The following CRTAC1 variants were observed in gnomAD, a reference collection of about 807,000 sequenced individuals.
CRTAC1 encodes the protein acidic secreted protein in cartilage.
In CRTAC1, 37 loss-of-function variants were observed where a neutral mutation model predicts 67.8. That is an observed-to-expected ratio of 0.55 (90% CI 0.42 to 0.72). The LOEUF is 0.72. Ranked by LOEUF, CRTAC1 falls within the 30% of genes least tolerant of loss-of-function variation. The pLI, the probability that CRTAC1 is intolerant of heterozygous loss-of-function variation, is 0.00. For missense variants in CRTAC1, 780 were observed against 931.6 expected, an observed-to-expected ratio of 0.84 and a Z score of 2.12; for synonymous variants, 348 against 371.0, an observed-to-expected ratio of 0.94 and a Z score of 0.71.
At chr10:98,028,878 C>T (rs1843296678) in intron 1 of CRTAC1, among the ~76,000 whole-genome samples, 2 of 152,106 alleles carry the variant, frequency 1.3e-5, no homozygotes, top group Non-Finnish European at 2.9e-5. Flanking sequence ...GTGGAGGATT[C>T]AGGCTCAAAT....
chr10:98,019,491 C>T (rs870605), intron 1 of CRTAC1, among the ~76,000 whole-genome samples: 30,877 of 152,164 alleles, frequency 0.2, 3,287 homozygotes, highest in Non-Finnish European at 0.22. Context: ...GCTGAACATC[C>T]ACAATGCACA....
intron 2 of CRTAC1, among the ~76,000 whole-genome samples, chr10:97,940,374 GAAATTCTGGAGGCTTCAAAGCT>G (rs1226138096): frequency 6.6e-6 from 1 of 152,240 alleles, no homozygotes; most frequent in African/African-American, 2.4e-5. Flanking sequence ...AGCACTTCTA[GAAATTCTGGAGGCTTCAAAGCT>G]AAATTCTGGA....
chr10:97,880,392 T>A lies in CRTAC1; in HGVS notation c.1676A>T (p.Asp559Val). Reference sequence around the variant, plus strand: ...TGGGAACTGGATGCATTCATTGGTGTCTGCAAGGCGAGGGGAACCACTCAC... The same window carrying A: ...TGGGAACTGGATGCATTCATTGGTGACTGCAAGGCGAGGGGAACCACTCAC... ...FSQQENGHCMDTNECIQFPFV... is the reference protein window; with the variant it reads ...FSQQENGHCMVTNECIQFPFV... The change falls in exon 14 of 15, where the codon GAC (aspartate) becomes GTC (valine). Residue 559 changes from aspartate to valine, a missense_variant and splice_region_variant. Asp to Val is a radical substitution (Grantham distance 152). Transcript: ENST00000370597. 1 of 1,612,884 alleles carries A rather than the reference T, an allele frequency of 6.2e-7. No homozygotes were observed. Among genetic ancestry groups the A allele is most frequent in the East Asian group, 2.2e-5 (1 of 44,862 alleles).
chr10:97,934,876 C>T (rs1326553426), intron 3 of CRTAC1, among the ~76,000 whole-genome samples: 4 of 150,736 alleles, frequency 2.7e-5, no homozygotes, highest in South Asian at 2.1e-4. Context: ...CTGGGACTTC[C>T]GCAGAGATGT....
chr10:97,944,818 T>C lies in CRTAC1; in HGVS notation c.225-8452A>G, dbSNP rs550406596. Among the ~76,000 whole-genome samples the C allele has an allele frequency of 3.9e-5, 6 of 152,244 alleles. No homozygotes were observed. In the East Asian group the frequency reaches 1.2e-3, roughly 29 times the overall value. ...AAATTTGGCTACCTTAAGACCACCATGCTCTGAAATCAAAGCTAGCCCTAT... is the reference window on the plus strand; with the variant it reads ...AAATTTGGCTACCTTAAGACCACCACGCTCTGAAATCAAAGCTAGCCCTAT... On this transcript the variant is annotated intron_variant, in intron 2 of 14. Transcript: ENST00000370597.
chr10:97,969,893 T>A (rs1224672714), intron 2 of CRTAC1, among the ~76,000 whole-genome samples: 1 of 152,196 alleles, frequency 6.6e-6, no homozygotes. Context: ...AAATACCATC[T>A]ACCCGCTGAC....
chr10:97,893,720 T>A (rs2050411282), intron 11 of CRTAC1, among the ~76,000 whole-genome samples: 1 of 152,224 alleles, frequency 6.6e-6, no homozygotes, highest in Admixed American at 6.5e-5. Context: ...CCTCTCGGGC[T>A]GCCCTTGATG....
At chr10:97,994,315 A>G (rs1842515410) in intron 2 of CRTAC1, among the ~76,000 whole-genome samples, 1 of 152,212 alleles carries the variant, frequency 6.6e-6, no homozygotes, top group East Asian at 1.9e-4. Context: ...ATCTTCCCAA[A>G]GCCTCTCCTT....
chr10:97,924,365 G>C (rs1202419615), intron 3 of CRTAC1, among the ~76,000 whole-genome samples: 1 of 152,216 alleles, frequency 6.6e-6, no homozygotes, highest in Non-Finnish European at 1.5e-5. Context: ...AGGGAGAGGA[G>C]CAGCTGAAGG....
chr10:98,025,981 C>T (rs540555363), intron 1 of CRTAC1, among the ~76,000 whole-genome samples: 7 of 152,306 alleles, frequency 4.6e-5, no homozygotes, highest in Admixed American at 2.0e-4. Flanking sequence ...AGGCCTTGCC[C>T]ATCAGCCCAG....
rs1590176243 is a variant in CRTAC1, at chr10:97,880,241, C to G, written c.1819+8G>C. ...TTGCTACTGGCCTATGGCTGGGGCC[C>G]CACTCACCCACGCAGGCTGTGCCAT... On this transcript the variant is annotated splice_region_variant and intron_variant, in intron 14 of 14. Transcript: ENST00000370597. 6.2e-7 allele frequency: 1 copy of G among 1,613,810 alleles called. No homozygotes were observed.
In CRTAC1 at chr10:97,865,369, C is replaced by T. The variant is rs1167699943; in HGVS notation, c.*179G>A. 7.1e-6 allele frequency: 5 copies of T among 705,526 alleles called. No individual in the cohort carries two copies. Among genetic ancestry groups the T allele is most frequent in the Admixed American group, 6.2e-5 (2 of 32,058 alleles). 43.7% of individuals were successfully genotyped at this position (705,526 alleles called of 1,614,324 possible). A position where few individuals can be genotyped will look rare whatever the true frequency, so the allele number is the denominator to read the frequency against. Reference sequence around the variant, plus strand: ...TGTCTGCTGTGATCACAGCTATGTGCCCAGCACAGGGCCTGGCCTTACGAG... The same window carrying T: ...TGTCTGCTGTGATCACAGCTATGTGTCCAGCACAGGGCCTGGCCTTACGAG... On this transcript the variant is annotated 3_prime_UTR_variant, in exon 15 of 15. Coordinates refer to ENST00000370597, the MANE Select transcript of CRTAC1 (RefSeq NM_018058.7).
At chr10:97,943,409 G>A (rs565096081) in intron 2 of CRTAC1, among the ~76,000 whole-genome samples, 3 of 152,312 alleles carry the variant, frequency 2.0e-5, no homozygotes, top group East Asian at 1.9e-4. Flanking sequence ...AGAAAGTCTC[G>A]AAGTCATGGA....
At chr10:97,953,403 G>A (rs1423705969) in intron 2 of CRTAC1, among the ~76,000 whole-genome samples, 3 of 152,094 alleles carry the variant, frequency 2.0e-5, no homozygotes. Flanking sequence ...ATGCATCAAG[G>A]TGTGATAGCA....
At chr10:98,009,305 T>A (rs559943894) in intron 2 of CRTAC1, among the ~76,000 whole-genome samples, 110 of 152,330 alleles carry the variant, frequency 7.2e-4, no homozygotes, top group African/African-American at 2.1e-3. Flanking sequence ...GTGGATTCCA[T>A]ACTGGACAGC....
intron 8 of CRTAC1, among the ~76,000 whole-genome samples, chr10:97,899,450 CAG>C (rs2050503743): frequency 6.6e-6 from 1 of 152,172 alleles, no homozygotes; most frequent in South Asian, 2.1e-4. Context: ...GGCAGGCAGA[CAG>C]AGACTAGGTT....
chr10:97,981,843 G>A (rs2051897129), intron 2 of CRTAC1, among the ~76,000 whole-genome samples: 1 of 152,152 alleles, frequency 6.6e-6, no homozygotes, highest in Admixed American at 6.5e-5. Flanking sequence ...ACAAGAGTCT[G>A]ATTTTATGCC....
intron 14 of CRTAC1, among the ~76,000 whole-genome samples, chr10:97,875,139 C>T: frequency 6.6e-6 from 1 of 152,216 alleles, no homozygotes; most frequent in East Asian, 1.9e-4. Context: ...GCTTAAGAAC[C>T]CAGGCTTTGG....
chr10:97,874,854 G>A lies in CRTAC1; in HGVS notation c.1819+5395C>T, dbSNP rs544078661. 3.9e-5 allele frequency among the ~76,000 whole-genome samples: 6 copies of A among 152,236 alleles called. No individual in the cohort carries two copies. The East Asian group carries it at 9.7e-4, about 25-fold the overall frequency. On this transcript the variant is annotated intron_variant, in intron 14 of 14. Transcript: ENST00000370597. ...AAAATGGCATTCCACCTCCATCCGGGCCTTCCCGGATGGCCTTGATGTTAC... is the reference window on the plus strand; with the variant it reads ...AAAATGGCATTCCACCTCCATCCGGACCTTCCCGGATGGCCTTGATGTTAC...
Sources: gnomAD v4.1 joint callset for allele counts (sites outside exome capture counted in the v4.1 genomes callset) on GRCh38, gnomAD v4.1.1 for gene constraint, MANE v1.5 for transcripts, NCBI Gene and HGNC (gene_info 2026-07-23, HGNC 2026-07-21) for gene names.